The following TESK2 variants were observed in gnomAD, a reference collection of about 807,000 sequenced individuals.
TESK2 encodes dual specificity testis-specific protein kinase 2.
A neutral mutation model predicts 57.1 loss-of-function variants in TESK2; 39 were observed. The observed-to-expected ratio is 0.68, with a 90% CI of 0.53 to 0.89. TESK2 has a LOEUF of 0.89. TESK2 is among the 40% of genes least tolerant of loss of function. The pLI is 0.00. For synonymous variants in TESK2, 249 were observed against 267.9 expected, an observed-to-expected ratio of 0.93 and a Z score of 0.69; for missense variants, 646 against 732.1, an observed-to-expected ratio of 0.88 and a Z score of 1.36.
chr1:45,394,679 C>CTT (rs5773871), intron 3 of TESK2, among the ~76,000 whole-genome samples: 4,743 of 57,360 alleles, frequency 0.083, 754 homozygotes, highest in Non-Finnish European at 0.1. Flanking sequence ...ACAGGAAACT[C>CTT]TTTTTTTTTT....
chr1:45,407,130 G>A (rs2149282247), intron 3 of TESK2, among the ~76,000 whole-genome samples: 1 of 152,296 alleles, frequency 6.6e-6, no homozygotes, highest in East Asian at 1.9e-4. Context: ...CTGTCACACA[G>A]GCTAGAGTGC....
chr1:45,355,914 A>G (rs912226102), intron 4 of TESK2, among the ~76,000 whole-genome samples: 1 of 152,232 alleles, frequency 6.6e-6, no homozygotes, highest in Non-Finnish European at 1.5e-5. Flanking sequence ...GAGTGCATTT[A>G]TAGATGAGTC....
At chr1:45,402,718 G>C (rs2492836) in intron 3 of TESK2, among the ~76,000 whole-genome samples, 1 of 151,650 alleles carries the variant, frequency 6.6e-6, no homozygotes, top group Non-Finnish European at 1.5e-5. Flanking sequence ...CCGACTTCAG[G>C]TGATCCGCCC....
At chr1:45,372,362 G>A (rs1648224293) in intron 4 of TESK2, among the ~76,000 whole-genome samples, 2 of 151,990 alleles carry the variant, frequency 1.3e-5, no homozygotes. Flanking sequence ...CAGATCACCT[G>A]AGCTCAGGAG....
At chr1:45,384,593 A>ATTTTTTTTTTTTTT (rs59988269) in intron 4 of TESK2, among the ~76,000 whole-genome samples, 26 of 70,872 alleles carry the variant, frequency 3.7e-4, no homozygotes, top group Non-Finnish European at 4.6e-4. Context: ...CTAATTATTA[A>ATTTTTTTTTTTTTT]TTTTTTTTTT....
At chr1:45,476,241 T>C (rs1007642828) in intron 1 of TESK2, among the ~76,000 whole-genome samples, 2 of 152,324 alleles carry the variant, frequency 1.3e-5, no homozygotes, top group Non-Finnish European at 2.9e-5. Context: ...GCACAATGGC[T>C]CACACCTGTA....
At chr1:45,385,245 G>C (rs1648841964) in intron 4 of TESK2, 1 of 693,026 alleles carries the variant, frequency 1.4e-6, no homozygotes, top group Non-Finnish European at 1.8e-6. Context: ...CCAGGAATCT[G>C]TGTTTCCAAG....
At chr1:45,462,493 C>G (rs1652374972) in intron 1 of TESK2, among the ~76,000 whole-genome samples, 1 of 152,240 alleles carries the variant, frequency 6.6e-6, no homozygotes, top group South Asian at 2.1e-4. Flanking sequence ...AGGATGGTCT[C>G]GATCTCCTGA....
chr1:45,479,813 C>CTTTTT (rs35869444), intron 1 of TESK2, among the ~76,000 whole-genome samples: 21 of 68,526 alleles, frequency 3.1e-4, no homozygotes, highest in Admixed American at 6.5e-4. Context: ...GAAGGCCCTT[C>CTTTTT]TTTTTTTTTT....
chr1:45,419,399 A>G (rs1310823527), intron 3 of TESK2, among the ~76,000 whole-genome samples: 1 of 152,220 alleles, frequency 6.6e-6, no homozygotes, highest in Non-Finnish European at 1.5e-5. Flanking sequence ...CATCAATGTA[A>G]GTAGAGCAAG....
chr1:45,405,638 C>A (rs2492837), intron 3 of TESK2, among the ~76,000 whole-genome samples: 144,926 of 149,070 alleles, frequency 0.97, 70,578 homozygotes, highest in East Asian at 1. Flanking sequence ...AAAAATATAT[C>A]TATATCTATA....
intron 4 of TESK2, among the ~76,000 whole-genome samples, chr1:45,365,471 T>A (rs1647873480): frequency 6.6e-6 from 1 of 152,190 alleles, no homozygotes; most frequent in African/African-American, 2.4e-5. Flanking sequence ...CTTCATAGCT[T>A]TGCTAATTCT....
intron 1 of TESK2, among the ~76,000 whole-genome samples, chr1:45,483,690 A>AG (rs986747194): frequency 4.4e-4 from 67 of 151,912 alleles, no homozygotes; most frequent in African/African-American, 1.4e-3. Context: ...GGGGCGGCGG[A>AG]GGGGGGGTCA....
intron 1 of TESK2, among the ~76,000 whole-genome samples, chr1:45,477,057 C>CTAAAAAA (rs1213781601): frequency 7.3e-3 from 11 of 1,504 alleles, no homozygotes; most frequent in Non-Finnish European, 0.016. Flanking sequence ...CACGTCTCTA[C>CTAAAAAA]CAAAAAAAAA....
intron 2 of TESK2, among the ~76,000 whole-genome samples, chr1:45,452,480 A>G (rs1331212224): frequency 6.6e-6 from 1 of 152,224 alleles, no homozygotes; most frequent in Non-Finnish European, 1.5e-5. Context: ...TTTATAAATG[A>G]CCAATAAACA....
chr1:45,403,317 A>G (rs889361879), intron 3 of TESK2, among the ~76,000 whole-genome samples: 2 of 152,120 alleles, frequency 1.3e-5, no homozygotes, highest in Non-Finnish European at 2.9e-5. Context: ...CAAGTCCCAG[A>G]AGAACTATGA....
intron 4 of TESK2, among the ~76,000 whole-genome samples, chr1:45,369,314 C>T (rs973960543): frequency 1.3e-5 from 2 of 151,902 alleles, no homozygotes; most frequent in Admixed American, 1.3e-4. Flanking sequence ...GCCTGGCCAA[C>T]ATTGTGAAAC....
intron 3 of TESK2, among the ~76,000 whole-genome samples, chr1:45,419,701 G>A (rs547137069): frequency 1.3e-5 from 2 of 152,218 alleles, no homozygotes; most frequent in South Asian, 2.1e-4. Flanking sequence ...AGCTACTTGG[G>A]AGGCTGAGGC....
At chr1:45,430,732 C>T (rs1411443488) in intron 2 of TESK2, among the ~76,000 whole-genome samples, 3 of 152,104 alleles carry the variant, frequency 2.0e-5, no homozygotes, top group Admixed American at 1.3e-4. Context: ...CTTTTTGCTT[C>T]CTCTTTGGCG....
Sources: gnomAD v4.1 joint callset for allele counts (sites outside exome capture counted in the v4.1 genomes callset) on GRCh38, gnomAD v4.1.1 for gene constraint, MANE v1.5 for transcripts, NCBI Gene and HGNC (gene_info 2026-07-23, HGNC 2026-07-21) for gene names.